The following DLGAP4 variants were observed in gnomAD, a reference collection of about 807,000 sequenced individuals.
The protein encoded by DLGAP4 is disks large-associated protein 4.
Under a neutral mutation model 86.9 loss-of-function variants are expected in DLGAP4, and 18 were observed. The ratio of observed to expected loss-of-function variants is 0.21; its 90% CI spans 0.14 to 0.31. The LOEUF (loss-of-function observed/expected upper bound fraction) is 0.31. DLGAP4 is among the 10% of genes least tolerant of loss of function. The pLI, the probability that DLGAP4 is intolerant of heterozygous loss-of-function variation, is 1.00. For missense variants in DLGAP4, 1,085 were observed against 1,362.6 expected, an observed-to-expected ratio of 0.80 and a Z score of 3.21; for synonymous variants, 548 against 574.3, an observed-to-expected ratio of 0.95 and a Z score of 0.65.
intron 2 of DLGAP4, among the ~76,000 whole-genome samples, chr20:36,368,967 G>A (rs2030807172): frequency 6.6e-6 from 1 of 152,114 alleles, no homozygotes; most frequent in Non-Finnish European, 1.5e-5. Context: ...TCCACCCTCC[G>A]GGCCAGGCTC....
chr20:36,484,500 C>T (rs2035324192), intron 7 of DLGAP4, among the ~76,000 whole-genome samples: 1 of 152,266 alleles, frequency 6.6e-6, no homozygotes, highest in Non-Finnish European at 1.5e-5. Context: ...TCTCAGGCCT[C>T]TGCTCCAGGC....
At chr20:36,325,866 C>T (rs944972199) in intron 1 of DLGAP4, among the ~76,000 whole-genome samples, 2 of 151,930 alleles carry the variant, frequency 1.3e-5, no homozygotes, top group African/African-American at 4.8e-5. Context: ...TATAGGCACG[C>T]ACCACCATGC....
At chr20:36,360,894 G>A (rs1211148602) in intron 1 of DLGAP4, among the ~76,000 whole-genome samples, 1 of 152,094 alleles carries the variant, frequency 6.6e-6, no homozygotes. Context: ...TTGGACATGG[G>A]GGTGTGACGG....
intron 6 of DLGAP4, among the ~76,000 whole-genome samples, chr20:36,446,057 A>G (rs996184618): frequency 6.6e-6 from 1 of 152,226 alleles, no homozygotes; most frequent in Non-Finnish European, 1.5e-5. Flanking sequence ...GGCAGACATC[A>G]TTAATCAATC....
At position 36,350,651 on chromosome 20, in the gene DLGAP4, G is replaced by T. The variant is rs1734014036; in HGVS notation, c.-303-16394G>T. On this transcript the variant is annotated intron_variant, in intron 1 of 12. Transcript: ENST00000339266. The surrounding 1 kb of genome is among the most constrained non-coding windows in gnomAD (Gnocchi z 4.4). ...GAAGGGGCCTATCATGACCTCCTTT[G>T]TTCCAAAAAGTATCAGCCCAGGCCT... Among the ~76,000 whole-genome samples, 1 of 152,198 alleles carries T rather than the reference G, an allele frequency of 6.6e-6. No homozygotes were observed. The highest frequency in any genetic ancestry group is 1.5e-5 in the Non-Finnish European group (1 of 68,040).
At chr20:36,486,945 G>C (rs1382709685) in intron 7 of DLGAP4, among the ~76,000 whole-genome samples, 1 of 152,176 alleles carries the variant, frequency 6.6e-6, no homozygotes. Context: ...CTTCAGAAAA[G>C]GGGAGAAGCA....
intron 1 of DLGAP4, among the ~76,000 whole-genome samples, chr20:36,309,571 A>G (rs1173837738): frequency 6.6e-6 from 1 of 152,170 alleles, no homozygotes; most frequent in African/African-American, 2.4e-5. Flanking sequence ...TGTAGCCCCT[A>G]AAGTCCCAGC....
chr20:36,374,539 A>T (rs2031077342), intron 2 of DLGAP4, among the ~76,000 whole-genome samples: 1 of 152,128 alleles, frequency 6.6e-6, no homozygotes, highest in African/African-American at 2.4e-5. Flanking sequence ...GGCAGTGGGG[A>T]GCCTTTGGGG....
At chr20:36,511,929 G>C (rs995675004) in intron 10 of DLGAP4, among the ~76,000 whole-genome samples, 36 of 151,250 alleles carry the variant, frequency 2.4e-4, no homozygotes, top group African/African-American at 8.3e-4. Flanking sequence ...AGGTAGAAAT[G>C]TTTAATCCTT....
At chr20:36,309,740 G>A (rs947587233) in intron 1 of DLGAP4, among the ~76,000 whole-genome samples, 11 of 152,136 alleles carry the variant, frequency 7.2e-5, no homozygotes, top group African/African-American at 2.2e-4. Flanking sequence ...TCCTTCACTC[G>A]CCAGGTCACT....
chr20:36,444,372 C>A (rs1025384512), intron 6 of DLGAP4, among the ~76,000 whole-genome samples: 2 of 152,210 alleles, frequency 1.3e-5, no homozygotes, highest in Admixed American at 1.3e-4. Context: ...CAGCCTCAAC[C>A]TCCCAGGCTC....
intron 7 of DLGAP4, among the ~76,000 whole-genome samples, chr20:36,448,869 G>A (rs1418257514): frequency 3.3e-5 from 5 of 152,122 alleles, no homozygotes; most frequent in Non-Finnish European, 5.9e-5. Flanking sequence ...GGGAGGTAGA[G>A]GTTGCAATGA....
At chr20:36,337,446 A>G (rs2065334399) in intron 1 of DLGAP4, among the ~76,000 whole-genome samples, 1 of 151,980 alleles carries the variant, frequency 6.6e-6, no homozygotes, top group South Asian at 2.1e-4. Flanking sequence ...GCAGCTGGGG[A>G]AGGCGGGAAG....
At chr20:36,382,970 G>A (rs1167719327) in intron 2 of DLGAP4, among the ~76,000 whole-genome samples, 4 of 152,174 alleles carry the variant, frequency 2.6e-5, no homozygotes, top group Non-Finnish European at 5.9e-5. Context: ...GTTGGGAAGG[G>A]GGAATGTTTA....
intron 2 of DLGAP4, among the ~76,000 whole-genome samples, chr20:36,428,105 G>A (rs2147532075): frequency 6.6e-6 from 1 of 152,232 alleles, no homozygotes; most frequent in Middle Eastern, 3.4e-3. Context: ...TCAAAAAGGT[G>A]GAAAAGGTGT....
rs545949909 is a variant in DLGAP4, at chr20:36,453,767, T to A, written c.1648+6830T>A. The stretch of plus-strand genomic sequence containing the variant: ...GGCCAACATGGTGAAACCCTGTCTC[T>A]GCTAAAAATACAAAAATTAGCTGGG... On this transcript the variant is annotated intron_variant, in intron 7 of 12. Coordinates refer to ENST00000339266, the MANE Select transcript of DLGAP4 (RefSeq NM_001365621.2). Among the ~76,000 whole-genome samples, 195 of 150,326 alleles carry A rather than the reference T, an allele frequency of 1.3e-3. 1 individual carries two copies. The highest frequency in any genetic ancestry group is 4.7e-3 in the African/African-American group (194 of 40,914).
chr20:36,400,943 G>C (rs1600484107), intron 2 of DLGAP4, among the ~76,000 whole-genome samples: 1 of 152,166 alleles, frequency 6.6e-6, no homozygotes, highest in Non-Finnish European at 1.5e-5. Context: ...GGGGCAATGT[G>C]CTTTCTTGAG....
intron 1 of DLGAP4, among the ~76,000 whole-genome samples, chr20:36,333,283 CT>C (rs1355282800): frequency 3.3e-5 from 5 of 152,176 alleles, no homozygotes; most frequent in Non-Finnish European, 5.9e-5. Context: ...TCTTCTCCTT[CT>C]ATTGGTGTGT....
chr20:36,497,319 T>C, intron 8 of DLGAP4: 1 of 1,358,488 alleles, frequency 7.4e-7, no homozygotes, highest in East Asian at 2.9e-5. Context: ...CCAGTGAATG[T>C]AGTTACACTC....
Sources: gnomAD v4.1 joint callset for allele counts (sites outside exome capture counted in the v4.1 genomes callset) on GRCh38, gnomAD v4.1.1 for gene constraint, Gnocchi (gnomAD v3.1) non-coding constraint, MANE v1.5 for transcripts, NCBI Gene and HGNC (gene_info 2026-07-23, HGNC 2026-07-21) for gene names.